PCCA: variants seen among roughly 807,000 people sequenced by gnomAD.
The protein encoded by PCCA is propionyl-CoA carboxylase alpha chain, mitochondrial.
Under a neutral mutation model 101.3 loss-of-function variants are expected in PCCA, and 74 were observed. The ratio of observed to expected loss-of-function variants is 0.73; its 90% CI spans 0.61 to 0.89. The LOEUF is 0.89. Among genes scored for constraint, PCCA ranks in the 40% least tolerant of loss-of-function variants. The probability of loss-of-function intolerance (pLI) is 0.00; values close to 1 mark genes in which losing one functional copy is unlikely to be tolerated. For missense variants in PCCA, 891 were observed against 907.0 expected, an observed-to-expected ratio of 0.98 and a Z score of 0.23; for synonymous variants, 294 against 313.6, an observed-to-expected ratio of 0.94 and a Z score of 0.66.
At chr13:100,448,426 C>A (rs543778024) in intron 20 of PCCA, among the ~76,000 whole-genome samples, 1 of 152,110 alleles carries the variant, frequency 6.6e-6, no homozygotes, top group Non-Finnish European at 1.5e-5. Flanking sequence ...TTCCTCACCT[C>A]GTGATCCGCC....
Position 100,302,770 on chromosome 13 carries a change from G to A in PCCA, c.1210-154G>A, listed in dbSNP as rs2066160896. Among the ~76,000 whole-genome samples the A allele has an allele frequency of 3.9e-5, 6 of 152,146 alleles. No individual in the cohort carries two copies. The South Asian group carries it at 1.2e-3, about 32-fold the overall frequency. Reference sequence around the variant, plus strand: ...TTTTAAGTACATTCTAAGTTGTCTAGCGTAAAAGACAATAATATTCTGAAA... The same window carrying A: ...TTTTAAGTACATTCTAAGTTGTCTAACGTAAAAGACAATAATATTCTGAAA... On this transcript the variant is annotated intron_variant, in intron 13 of 23. Coordinates refer to ENST00000376285, the MANE Select transcript of PCCA (RefSeq NM_000282.4).
At chr13:100,383,756 GT>G (rs1230704274) in intron 19 of PCCA, among the ~76,000 whole-genome samples, 1 of 152,158 alleles carries the variant, frequency 6.6e-6, no homozygotes, top group African/African-American at 2.4e-5. Flanking sequence ...GGAGGGAATT[GT>G]TTTGTAGTAT....
chr13:100,200,992 A>G (rs1367549223), intron 6 of PCCA, among the ~76,000 whole-genome samples: 1 of 152,156 alleles, frequency 6.6e-6, no homozygotes, highest in Non-Finnish European at 1.5e-5. Context: ...GAAATGACAG[A>G]ATTAGAGTAT....
At chr13:100,121,250 G>A (rs918385437) in intron 4 of PCCA, among the ~76,000 whole-genome samples, 8 of 147,784 alleles carry the variant, frequency 5.4e-5, no homozygotes, top group East Asian at 2.0e-4. Context: ...TCCACCTCCC[G>A]GGGGTCAAGT....
chr13:100,257,689 A>G lies in PCCA; in HGVS notation c.716+16A>G, dbSNP rs2062166946. ...AAGAGACCAGGTGAGAGGCTGTCCA[A>G]AATATACTTTTGATGAAAATTGCAG... On this transcript the variant is annotated intron_variant, in intron 9 of 23. Coordinates refer to ENST00000376285, the MANE Select transcript of PCCA (RefSeq NM_000282.4). The G allele has an allele frequency of 6.3e-7, 1 of 1,595,216 alleles. No individual in the cohort carries two copies. Among genetic ancestry groups the G allele is most frequent in the Admixed American group, 1.7e-5 (1 of 59,828 alleles).
chr13:100,426,918 C>T (rs1475339595), intron 20 of PCCA, among the ~76,000 whole-genome samples: 1 of 152,102 alleles, frequency 6.6e-6, no homozygotes, highest in Non-Finnish European at 1.5e-5. Context: ...ATTATTATGT[C>T]TTTAAAAACT....
chr13:100,445,629 G>A (rs528292970), intron 20 of PCCA, among the ~76,000 whole-genome samples: 7 of 151,996 alleles, frequency 4.6e-5, no homozygotes, highest in African/African-American at 1.4e-4. Flanking sequence ...TGAGTTTGAC[G>A]TTTCCAGATT....
chr13:100,368,537 A>G lies in PCCA; in HGVS notation c.1709A>G (p.His570Arg), dbSNP rs1300478819. The G allele has an allele frequency of 6.2e-7, 1 of 1,610,370 alleles. No homozygotes were observed. The highest frequency in any genetic ancestry group is 1.3e-5 in the African/African-American group (1 of 74,514). The change falls in exon 19 of 24, where the codon CAT (histidine) becomes CGT (arginine). Residue 570 changes from histidine to arginine, a missense_variant. His to Arg is a conservative substitution (Grantham distance 29). Transcript: ENST00000376285. ...TCAGTAAAATTGCATGATAAAGTTC[A>G]TACCGTAGTAGCATCAAACAATGGG... is the stretch of plus-strand genomic sequence containing the variant. ...ELSVKLHDKVHTVVASNNGSV... is the reference protein window; with the variant it reads ...ELSVKLHDKVRTVVASNNGSV...
At chr13:100,107,675 T>C (rs981693153) in intron 2 of PCCA, among the ~76,000 whole-genome samples, 2 of 152,240 alleles carry the variant, frequency 1.3e-5, no homozygotes, top group African/African-American at 4.8e-5. Flanking sequence ...TTGTAAGTGA[T>C]TTAAGGCAAG....
At chr13:100,205,189 A>T (rs1324747298) in intron 6 of PCCA, among the ~76,000 whole-genome samples, 2 of 152,216 alleles carry the variant, frequency 1.3e-5, no homozygotes, top group Non-Finnish European at 2.9e-5. Context: ...ACAGAAGAGT[A>T]TCGAAGGTTA....
rs2085050594 is a variant in PCCA at position 100,493,414 on chromosome 13, CAGCAACAG to C, written c.1900-22009_1900-22002del. Among the ~76,000 whole-genome samples the C allele has an allele frequency of 2.0e-5, 3 of 152,318 alleles. No homozygotes were observed. The South Asian group carries it at 6.2e-4, about 32-fold the overall frequency. On this transcript the variant is annotated intron_variant, in intron 21 of 23. Coordinates refer to ENST00000376285, the MANE Select transcript of PCCA (RefSeq NM_000282.4). Reference sequence around the variant, plus strand: ...GAGGCCACTAGAATAGTCTCTTGTACAGCAACAGAGCCTCTTACTACAGTGAGCTTCTC... The same window carrying C: ...GAGGCCACTAGAATAGTCTCTTGTACAGCCTCTTACTACAGTGAGCTTCTC...
chr13:100,362,241 A>G (rs74480177), intron 18 of PCCA, among the ~76,000 whole-genome samples: 3,408 of 152,276 alleles, frequency 0.022, 141 homozygotes, highest in African/African-American at 0.079. Flanking sequence ...GGTGAATGAC[A>G]GAACTTAAGA....
intron 21 of PCCA, among the ~76,000 whole-genome samples, chr13:100,454,313 C>G (rs2081561060): frequency 6.6e-6 from 1 of 152,180 alleles, no homozygotes; most frequent in African/African-American, 2.4e-5. Context: ...GTTTCAGGTA[C>G]AATTTCTAGA....
chr13:100,403,810 C>G (rs1383477810), intron 19 of PCCA, among the ~76,000 whole-genome samples: 2 of 152,118 alleles, frequency 1.3e-5, no homozygotes, highest in African/African-American at 4.8e-5. Flanking sequence ...TGGTTCCACA[C>G]AGGAAGAGGA....
chr13:100,335,642 T>C (rs985525168), intron 17 of PCCA, among the ~76,000 whole-genome samples: 1 of 152,168 alleles, frequency 6.6e-6, no homozygotes, highest in Non-Finnish European at 1.5e-5. Flanking sequence ...GATTCTTCTC[T>C]GCAGAGGATA....
chr13:100,520,367 G>T (rs1376025076), intron 22 of PCCA, among the ~76,000 whole-genome samples: 1 of 152,056 alleles, frequency 6.6e-6, no homozygotes, highest in Non-Finnish European at 1.5e-5. Context: ...TTGGTTTTTG[G>T]CCGGGCGCGG....
At chr13:100,335,791 A>G (rs1323822202) in intron 17 of PCCA, among the ~76,000 whole-genome samples, 1 of 152,206 alleles carries the variant, frequency 6.6e-6, no homozygotes, top group Non-Finnish European at 1.5e-5. Flanking sequence ...ACTCACAGAC[A>G]TGAAAGTAGA....
At chr13:100,106,732 AAG>A (rs2047834063) in intron 2 of PCCA, among the ~76,000 whole-genome samples, 1 of 152,136 alleles carries the variant, frequency 6.6e-6, no homozygotes, top group Non-Finnish European at 1.5e-5. Flanking sequence ...AGCACATTTA[AAG>A]AGATACGAGG....
At chr13:100,258,996 A>G (rs544403658) in intron 9 of PCCA, among the ~76,000 whole-genome samples, 9 of 152,248 alleles carry the variant, frequency 5.9e-5, no homozygotes, top group Admixed American at 1.3e-4. Context: ...TTATTTGGGA[A>G]AGTCAAAACT....
Sources: gnomAD v4.1 joint callset for allele counts (sites outside exome capture counted in the v4.1 genomes callset) on GRCh38, gnomAD v4.1.1 for gene constraint, MANE v1.5 for transcripts, NCBI Gene and HGNC (gene_info 2026-07-23, HGNC 2026-07-21) for gene names.